The following LARP4B variants were observed in gnomAD, a reference collection of about 807,000 sequenced individuals.
The protein encoded by LARP4B is La ribonucleoprotein 4B, also known as la-related protein 4B.
Under a neutral mutation model 89.8 loss-of-function variants are expected in LARP4B, and 12 were observed. The observed-to-expected ratio is 0.13, with a 90% CI of 0.09 to 0.22. The LOEUF is 0.22. LARP4B is among the 10% of genes least tolerant of loss of function. The probability of loss-of-function intolerance (pLI) is 1.00; values close to 1 mark genes in which losing one functional copy is unlikely to be tolerated. For missense variants in LARP4B, 757 were observed against 947.7 expected, an observed-to-expected ratio of 0.80 and a Z score of 2.64; for synonymous variants, 367 against 363.3, an observed-to-expected ratio of 1.01 and a Z score of -0.12.
chr10:869,318 C>G (rs371594585), intron 3 of LARP4B, among the ~76,000 whole-genome samples: 1 of 152,112 alleles, frequency 6.6e-6, no homozygotes, highest in Non-Finnish European at 1.5e-5. Context: ...ACACTGCCCA[C>G]GAGATAAGAT....
chr10:841,361 G>A (rs921227177), intron 7 of LARP4B, among the ~76,000 whole-genome samples: 2 of 152,146 alleles, frequency 1.3e-5, no homozygotes, highest in Non-Finnish European at 1.5e-5. Context: ...GACAAAATGA[G>A]AAACTAAAGA....
chr10:982,721 G>C, the LARP4B span, among the ~76,000 whole-genome samples: 3 of 152,098 alleles, frequency 2.0e-5, no homozygotes, highest in Admixed American at 6.5e-5. Context: ...CGGAGTATTG[G>C]CATGGCAGTC....
the LARP4B span, among the ~76,000 whole-genome samples, chr10:969,951 G>A: frequency 2.6e-5 from 4 of 152,168 alleles, no homozygotes; most frequent in East Asian, 1.9e-4. Flanking sequence ...GCAAGGGACC[G>A]TAAGCATTTC....
At chr10:910,161 T>C (rs2132018075) in intron 1 of LARP4B, among the ~76,000 whole-genome samples, 1 of 152,348 alleles carries the variant, frequency 6.6e-6, no homozygotes, top group East Asian at 1.9e-4. Flanking sequence ...GTACAGCCAA[T>C]CAATAGCTTA....
At chr10:982,096 TTTTCTTTC>T in the LARP4B span, among the ~76,000 whole-genome samples, 144 of 121,078 alleles carry the variant, frequency 1.2e-3, 1 homozygote, top group East Asian at 4.3e-3. Flanking sequence ...TATAGCTTTT[TTTTCTTTC>T]TTTCTTTCTT....
At chr10:821,973 T>A (rs1176169966) in intron 13 of LARP4B, among the ~76,000 whole-genome samples, 2 of 152,154 alleles carry the variant, frequency 1.3e-5, no homozygotes, top group African/African-American at 2.4e-5. Context: ...GGGGGCTTGG[T>A]GCTCCTTGTC....
At chr10:825,424 A>G (rs1832569750) in intron 12 of LARP4B, 108 bp from the exon 13 acceptor site, 2 of 1,087,268 alleles carry the variant, frequency 1.8e-6, no homozygotes, top group African/African-American at 1.6e-5. Flanking sequence ...TCTGTTTAAT[A>G]AAGTATAAAA....
intron 1 of LARP4B, among the ~76,000 whole-genome samples, chr10:889,393 C>G (rs1025381387): frequency 6.6e-6 from 1 of 152,102 alleles, no homozygotes; most frequent in Admixed American, 6.5e-5. Context: ...CACACTCACT[C>G]ACTCAGACTG....
At chr10:868,045 C>G (rs1022421876) in intron 3 of LARP4B, among the ~76,000 whole-genome samples, 1 of 151,802 alleles carries the variant, frequency 6.6e-6, no homozygotes, top group African/African-American at 2.4e-5. Flanking sequence ...TCCACCCCAC[C>G]CCATCCTGTG....
At chr10:820,938 T>C in intron 13 of LARP4B, 93 bp from the exon 14 acceptor site, 1 of 1,054,296 alleles carries the variant, frequency 9.5e-7, no homozygotes, top group African/African-American at 1.6e-5. Flanking sequence ...AAAGTACACA[T>C]CAATTCAGTC....
chr10:982,104 CTTTCTTTCT>C, the LARP4B span, among the ~76,000 whole-genome samples: 1 of 128,758 alleles, frequency 7.8e-6, no homozygotes, highest in African/African-American at 2.9e-5. Context: ...TTTTTTCTTT[CTTTCTTTCT>C]TTCTTTTTTT....
At chr10:975,618 C>A in the LARP4B span, among the ~76,000 whole-genome samples, 1 of 152,326 alleles carries the variant, frequency 6.6e-6, no homozygotes, top group Admixed American at 6.5e-5. Flanking sequence ...TTGGGGTGGA[C>A]GTGACAGAAG....
the LARP4B span, among the ~76,000 whole-genome samples, chr10:952,377 G>C: frequency 7.3e-6 from 1 of 137,304 alleles, no homozygotes; most frequent in Non-Finnish European, 1.5e-5. Flanking sequence ...AGAAATCGCA[G>C]CAGTCCAGAA....
chr10:889,146 T>TA (rs34080402), intron 1 of LARP4B, among the ~76,000 whole-genome samples: 24,341 of 152,124 alleles, frequency 0.16, 2,094 homozygotes, highest in Non-Finnish European at 0.19. Context: ...AAAAACAAAC[T>TA]ATGATAACCA....
chr10:911,374 C>A (rs147075808), intron 1 of LARP4B, among the ~76,000 whole-genome samples: 4,106 of 152,192 alleles, frequency 0.027, 94 homozygotes, highest in Admixed American at 0.068. Context: ...AGCCTTTCTG[C>A]TTTTTCCTCT....
intron 5 of LARP4B, among the ~76,000 whole-genome samples, chr10:859,781 G>C (rs1216101239): frequency 1.3e-5 from 2 of 151,726 alleles, no homozygotes; most frequent in African/African-American, 4.9e-5. Context: ...ATCTAAGAAG[G>C]CTACATCCTG....
the LARP4B span, among the ~76,000 whole-genome samples, chr10:950,979 C>T: frequency 6.6e-6 from 1 of 151,652 alleles, no homozygotes; most frequent in African/African-American, 2.4e-5. Flanking sequence ...TGCCTGTCTG[C>T]CTTCCTTCTC....
upstream of LARP4B, among the ~76,000 whole-genome samples, chr10:935,638 C>T (rs1830739885): frequency 6.6e-6 from 1 of 151,998 alleles, no homozygotes; most frequent in African/African-American, 2.4e-5. Flanking sequence ...CAAACAAATA[C>T]AGCATGTGTA....
chr10:913,730 G>A (rs1836739369), intron 1 of LARP4B, among the ~76,000 whole-genome samples: 2 of 152,140 alleles, frequency 1.3e-5, no homozygotes, highest in African/African-American at 4.8e-5. Flanking sequence ...CCAATACAGT[G>A]AAACCCCCTC....
Sources: gnomAD v4.1 joint callset for allele counts (sites outside exome capture counted in the v4.1 genomes callset) on GRCh38, gnomAD v4.1.1 for gene constraint, MANE v1.5 for transcripts, NCBI Gene and HGNC (gene_info 2026-07-23, HGNC 2026-07-21) for gene names.